RNF216: variants seen among roughly 807,000 people sequenced by gnomAD.
RNF216 encodes the protein E3 ubiquitin-protein ligase RNF216.
RNF216 carries 72 observed loss-of-function variants against 110.8 expected under a neutral mutation model. That is an observed-to-expected ratio of 0.65 (90% CI 0.54 to 0.79). RNF216 has a LOEUF of 0.79. Among genes scored for constraint, RNF216 ranks in the 30% least tolerant of loss-of-function variants. RNF216 has a pLI of 0.00. For synonymous variants in RNF216, 495 were observed against 407.5 expected (o/e 1.21, Z -2.59); for missense variants, 1,342 against 1,141.2 (o/e 1.18, Z -2.54).
At chr7:5,725,234 A>C in intron 8 of RNF216, 90 bp downstream of exon 8, 1 of 758,744 alleles carries the variant, frequency 1.3e-6, no homozygotes. Context: ...TGCTCAGCAG[A>C]CACCTGTAGC....
intron 3 of RNF216, among the ~76,000 whole-genome samples, chr7:5,747,990 T>G (rs916614072): frequency 6.6e-6 from 1 of 151,964 alleles, no homozygotes; most frequent in Non-Finnish European, 1.5e-5. Flanking sequence ...AGGTCAGGGT[T>G]CAGGGTGACT....
intron 3 of RNF216, among the ~76,000 whole-genome samples, chr7:5,749,739 A>G (rs1277630104): frequency 6.6e-6 from 1 of 152,244 alleles, no homozygotes; most frequent in Non-Finnish European, 1.5e-5. Flanking sequence ...AACTCTGACA[A>G]ATACAAGTTT....
At chr7:5,728,581 A>G (rs1347130143) in intron 7 of RNF216, among the ~76,000 whole-genome samples, 1 of 151,822 alleles carries the variant, frequency 6.6e-6, no homozygotes, top group Non-Finnish European at 1.5e-5. Flanking sequence ...CTCAAAAAAA[A>G]AAAGAAAAAG....
chr7:5,772,669 T>G (rs768560483), intron 1 of RNF216, among the ~76,000 whole-genome samples: 1 of 151,896 alleles, frequency 6.6e-6, no homozygotes, highest in South Asian at 2.1e-4. Context: ...TCTCAACTTA[T>G]AGAATGTGAA....
chr7:5,779,443 C>T (rs1208020390), intron 1 of RNF216, among the ~76,000 whole-genome samples: 2 of 152,036 alleles, frequency 1.3e-5, no homozygotes. Context: ...AAATACAAAA[C>T]CAAGGCAAAG....
rs761020190 is a variant in RNF216, at chr7:5,761,047, T to G, written c.23A>C (p.Glu8Ala). MEEGNNN[E>A]EVIHLNNFHC... ...AAAGTTGTTCAAGTGAATTACCTCTTCATTGTTGTTTCCCTCTTCCATTTT... is the reference window on the plus strand; with the variant it reads ...AAAGTTGTTCAAGTGAATTACCTCTGCATTGTTGTTTCCCTCTTCCATTTT... Residue 8 changes from glutamate to alanine, a missense_variant, in exon 2 of 17, where the codon GAA becomes GCA. By Grantham distance (107) the Glu-to-Ala change is moderately radical. Coordinates refer to ENST00000389902, the MANE Select transcript of RNF216 (RefSeq NM_207111.4). The G allele has an allele frequency of 5.0e-6, 8 of 1,584,670 alleles. No individual in the cohort carries two copies. The highest frequency in any genetic ancestry group is 6.0e-6 in the Non-Finnish European group (7 of 1,171,000).
At chr7:5,651,223 T>A (rs1466341584) in intron 14 of RNF216, among the ~76,000 whole-genome samples, 1 of 151,766 alleles carries the variant, frequency 6.6e-6, no homozygotes, top group African/African-American at 2.4e-5. Flanking sequence ...AGTTAGACAA[T>A]CTTCTCTTTT....
chr7:5,632,416 C>G (rs1269706499), intron 15 of RNF216, among the ~76,000 whole-genome samples: 1 of 152,240 alleles, frequency 6.6e-6, no homozygotes, highest in African/African-American at 2.4e-5. Context: ...CTCAGCACAG[C>G]TCCTTTCTGA....
At chr7:5,765,964 A>AAAAG (rs1301591021) in intron 1 of RNF216, among the ~76,000 whole-genome samples, 10 of 148,602 alleles carry the variant, frequency 6.7e-5, no homozygotes, top group African/African-American at 1.0e-4. Flanking sequence ...AAAAAAAAAA[A>AAAAG]AAAGAAAGAA....
chr7:5,668,667 A>C (rs117924742), intron 13 of RNF216, among the ~76,000 whole-genome samples: 264 of 152,292 alleles, frequency 1.7e-3, no homozygotes, highest in Middle Eastern at 3.4e-3. Context: ...AGAATGATAA[A>C]AAGTATAGGT....
At position 5,622,052 on chromosome 7, in the gene RNF216, A is replaced by C. The variant is rs1786399471; in HGVS notation, c.*808T>G. On this transcript the variant is annotated 3_prime_UTR_variant, in exon 17 of 17. Transcript: ENST00000389902. ...GCTGCTCATCACCCAGGGTGGCAGA[A>C]ACGTCTCCCCCAGCAGTTGGGCTGC... The C allele has an allele frequency of 6.6e-6, 1 of 152,312 alleles. No homozygotes were observed. The highest frequency in any genetic ancestry group is 1.5e-5 in the Non-Finnish European group (1 of 68,174). The allele number at this position is 152,312 out of a possible 1,614,324, so 9.4% of individuals were successfully genotyped here. A position where few individuals can be genotyped will look rare whatever the true frequency, so the allele number is the denominator to read the frequency against.
At chr7:5,692,381 C>T (rs189107100) in intron 13 of RNF216, among the ~76,000 whole-genome samples, 1 of 152,298 alleles carries the variant, frequency 6.6e-6, no homozygotes, top group East Asian at 1.9e-4. Context: ...GTCATAGCAA[C>T]GCCGGGTGAA....
At chr7:5,759,633 C>CTCCTTTT (rs1795827027) in intron 2 of RNF216, among the ~76,000 whole-genome samples, 1 of 131,182 alleles carries the variant, frequency 7.6e-6, no homozygotes, top group Non-Finnish European at 1.6e-5. Flanking sequence ...CATTTTTCTT[C>CTCCTTTT]TTTTTTTTTT....
intron 1 of RNF216, among the ~76,000 whole-genome samples, chr7:5,762,418 G>C (rs902244010): frequency 6.6e-6 from 1 of 151,968 alleles, no homozygotes; most frequent in African/African-American, 2.4e-5. Flanking sequence ...AGCACTTTGG[G>C]AGGCTGAGAT....
chr7:5,733,555 T>A (rs1794213946), intron 5 of RNF216, among the ~76,000 whole-genome samples: 1 of 152,174 alleles, frequency 6.6e-6, no homozygotes, highest in Non-Finnish European at 1.5e-5. Flanking sequence ...GTATCTGGTA[T>A]TCAAATCATT....
chr7:5,656,793 G>C (rs184232851), intron 13 of RNF216, among the ~76,000 whole-genome samples: 1 of 152,208 alleles, frequency 6.6e-6, no homozygotes, highest in Non-Finnish European at 1.5e-5. Flanking sequence ...GAATAAAGCA[G>C]AAGATTAAAT....
chr7:5,730,699 T>G lies in RNF216; in HGVS notation c.1224+16A>C, dbSNP rs35732993. 5 of 1,533,116 alleles carry G rather than the reference T, an allele frequency of 3.3e-6. No individual in the cohort carries two copies. The South Asian group carries it at 6.0e-5, about 18-fold the overall frequency. The allele number at this position is 1,533,116 out of a possible 1,614,324, so 95.0% of individuals were successfully genotyped here. A position where few individuals can be genotyped will look rare whatever the true frequency, so the allele number is the denominator to read the frequency against. On this transcript the variant is annotated intron_variant, in intron 6 of 16. Transcript: ENST00000389902. ...ATTTCCAGGCAGTGACTGCAAAACA[T>G]GAACATGACACTTGCCTTTGTCTCA...
At chr7:5,714,938 A>T in intron 11 of RNF216, 115 bp downstream of exon 11, 1 of 890,128 alleles carries the variant, frequency 1.1e-6, no homozygotes, top group Non-Finnish European at 1.7e-6. Context: ...ACATAAGCAT[A>T]CCAGCAGAAC....
intron 9 of RNF216, among the ~76,000 whole-genome samples, chr7:5,717,105 GCACTTTGGAAGGC>G (rs1793111327): frequency 6.6e-6 from 1 of 152,184 alleles, no homozygotes; most frequent in African/African-American, 2.4e-5. Flanking sequence ...TGTAATCCCA[GCACTTTGGAAGGC>G]CGAGGTGGGC....
Sources: gnomAD v4.1 joint callset for allele counts (sites outside exome capture counted in the v4.1 genomes callset) on GRCh38, gnomAD v4.1.1 for gene constraint, MANE v1.5 for transcripts, NCBI Gene and HGNC (gene_info 2026-07-23, HGNC 2026-07-21) for gene names.